The following KIF16B variants were observed in gnomAD, a reference collection of about 807,000 sequenced individuals.
The protein encoded by KIF16B is kinesin family member 16B, also known as kinesin-like protein KIF16B.
In KIF16B, 98 loss-of-function variants were observed where a neutral mutation model predicts 156.3. The observed-to-expected ratio is 0.63, with a 90% CI of 0.53 to 0.74. The LOEUF is 0.74. KIF16B is among the 30% of genes least tolerant of loss of function. The probability of loss-of-function intolerance (pLI) is 0.00; values close to 1 mark genes in which losing one functional copy is unlikely to be tolerated. For synonymous variants in KIF16B, 564 were observed against 583.7 expected, an observed-to-expected ratio of 0.97 and a Z score of 0.49; for missense variants, 1,421 against 1,606.5, an observed-to-expected ratio of 0.88 and a Z score of 1.97.
At chr20:16,402,076 T>C (rs942287333) in intron 17 of KIF16B, among the ~76,000 whole-genome samples, 1 of 152,100 alleles carries the variant, frequency 6.6e-6, no homozygotes, top group Non-Finnish European at 1.5e-5. Flanking sequence ...TCTTGCTTAC[T>C]ATATCCCATC....
intron 1 of KIF16B, among the ~76,000 whole-genome samples, chr20:16,563,806 T>A (rs111445277): frequency 2.6e-5 from 4 of 152,360 alleles, no homozygotes; most frequent in African/African-American, 9.6e-5. Context: ...ATACACCTTG[T>A]ATAAGTGTAT....
At chr20:16,328,965 C>A (rs1301077596) in intron 24 of KIF16B, among the ~76,000 whole-genome samples, 1 of 152,134 alleles carries the variant, frequency 6.6e-6, no homozygotes, top group East Asian at 1.9e-4. Context: ...CAGTCCATAG[C>A]AGTGCTCATT....
At chr20:16,445,419 CGTGT>C (rs11467171) in intron 12 of KIF16B, among the ~76,000 whole-genome samples, 5 of 146,760 alleles carry the variant, frequency 3.4e-5, no homozygotes, top group South Asian at 2.2e-4. Flanking sequence ...CATGTATATA[CGTGT>C]GTGTGTGTGT....
intron 17 of KIF16B, among the ~76,000 whole-genome samples, chr20:16,388,927 C>T (rs1305853618): frequency 6.6e-6 from 1 of 152,150 alleles, no homozygotes; most frequent in Non-Finnish European, 1.5e-5. Context: ...AGTATGACTG[C>T]CCAGGTCCAG....
chr20:16,367,321 G>A (rs1288083508), intron 22 of KIF16B: 1 of 1,612,784 alleles, frequency 6.2e-7, no homozygotes, highest in African/African-American at 1.3e-5. Context: ...GGAACCCACT[G>A]AAGGTTTGAG....
At chr20:16,488,517 G>GA (rs1176488743) in intron 12 of KIF16B, among the ~76,000 whole-genome samples, 2 of 152,136 alleles carry the variant, frequency 1.3e-5, no homozygotes, top group African/African-American at 4.8e-5. Context: ...CAGGAATGGA[G>GA]AAAAAACTGG....
At chr20:16,411,254 T>A (rs956712640) in intron 15 of KIF16B, among the ~76,000 whole-genome samples, 1 of 151,926 alleles carries the variant, frequency 6.6e-6, no homozygotes, top group African/African-American at 2.4e-5. Context: ...TGGGATCCAC[T>A]CTTTTAATAC....
chr20:16,368,070 C>A (rs2064722096), intron 22 of KIF16B: 2 of 1,343,510 alleles, frequency 1.5e-6, no homozygotes, highest in African/African-American at 1.5e-5. Context: ...CAACAGCAAG[C>A]CAGTAAATGC....
At chr20:16,541,655 C>T (rs2070203388) in intron 1 of KIF16B, among the ~76,000 whole-genome samples, 1 of 152,154 alleles carries the variant, frequency 6.6e-6, no homozygotes, top group Non-Finnish European at 1.5e-5. Context: ...GTTGGGATCC[C>T]AGAGAAGCAG....
chr20:16,374,277 C>G lies in KIF16B; in HGVS notation c.3330G>C (p.Leu1110=), dbSNP rs372951226. Residue 1110 remains leucine, a synonymous_variant, in exon 20 of 26, where the codon CTG becomes CTC. Coordinates refer to ENST00000354981, the MANE Select transcript of KIF16B (RefSeq NM_024704.5). ...SLPVSAEKSH[L]VPLMDARINA... is the part of the protein sequence containing the mutation. ...AGTACCTGGCATCCATGAGGGGAAC[C>G]AGGTGTGATTTTTCAGCACTGACTG... 1 of 1,593,982 alleles carries G rather than the reference C, an allele frequency of 6.3e-7. No homozygotes were observed. The highest frequency in any genetic ancestry group is 1.7e-5 in the Admixed American group (1 of 58,286).
chr20:16,378,725 G>A lies in KIF16B; in HGVS notation c.3197+80C>T, dbSNP rs1346850303. On this transcript the variant is annotated intron_variant, in intron 19 of 25. Coordinates refer to ENST00000354981, the MANE Select transcript of KIF16B (RefSeq NM_024704.5). ...AAAGAATAAGTTAAAAAAAAAAAAG[G>A]ATAAACACAACATGAGGAGTGAAAA... 15 of 1,331,882 alleles carry A rather than the reference G, an allele frequency of 1.1e-5. No individual in the cohort carries two copies. The South Asian group carries it at 1.6e-4, about 14-fold the overall frequency. 82.5% of individuals were successfully genotyped at this position (1,331,882 alleles called of 1,614,324 possible).
intron 17 of KIF16B, among the ~76,000 whole-genome samples, chr20:16,390,234 T>G (rs375564878): frequency 1.3e-5 from 2 of 152,236 alleles, no homozygotes; most frequent in South Asian, 4.1e-4. Context: ...TTAAGCCTTT[T>G]GCATTGCAAA....
At chr20:16,416,918 G>C (rs2066104236) in intron 15 of KIF16B, among the ~76,000 whole-genome samples, 1 of 152,070 alleles carries the variant, frequency 6.6e-6, no homozygotes, top group South Asian at 2.1e-4. Flanking sequence ...AGGAGGAGCA[G>C]AGAGTCCCTT....
At chr20:16,342,773 C>T (rs1288967988) in intron 23 of KIF16B, among the ~76,000 whole-genome samples, 2 of 152,192 alleles carry the variant, frequency 1.3e-5, no homozygotes, top group Non-Finnish European at 2.9e-5. Context: ...TGTTTATCAA[C>T]ACGCAAACAA....
chr20:16,430,445 C>T lies in KIF16B; in HGVS notation c.1303-463G>A, dbSNP rs376347306. On this transcript the variant is annotated intron_variant, in intron 12 of 25. Coordinates refer to ENST00000354981, the MANE Select transcript of KIF16B (RefSeq NM_024704.5). The stretch of plus-strand genomic sequence containing the variant: ...CCTGGTCCTCTGCCTCCTGTGCCAT[C>T]AACTTCTCCTATCCACTGGATCATT... 6.6e-5 allele frequency among the ~76,000 whole-genome samples: 10 copies of T among 152,236 alleles called. No homozygotes were observed. In the South Asian group the frequency reaches 1.2e-3, roughly 19 times the overall value.
chr20:16,414,148 A>C (rs575921160), intron 15 of KIF16B, among the ~76,000 whole-genome samples: 5 of 152,220 alleles, frequency 3.3e-5, no homozygotes, highest in African/African-American at 1.2e-4. Context: ...ATTATTTCAA[A>C]CACGAGAATT....
chr20:16,478,689 T>A (rs2067889455), intron 12 of KIF16B, among the ~76,000 whole-genome samples: 1 of 152,190 alleles, frequency 6.6e-6, no homozygotes, highest in African/African-American at 2.4e-5. Context: ...AAGTCACCCT[T>A]ATTTTAATTG....
chr20:16,393,769 G>A (rs1381751517), intron 17 of KIF16B, among the ~76,000 whole-genome samples: 2 of 152,182 alleles, frequency 1.3e-5, no homozygotes, highest in Non-Finnish European at 1.5e-5. Context: ...TAGCCCAGGA[G>A]GTAAAATTTG....
At chr20:16,430,372 T>C (rs2146442945) in intron 12 of KIF16B, among the ~76,000 whole-genome samples, 1 of 152,230 alleles carries the variant, frequency 6.6e-6, no homozygotes, top group East Asian at 1.9e-4. Flanking sequence ...CTGTGCATGG[T>C]CCTGAGAAGA....
Sources: gnomAD v4.1 joint callset for allele counts (sites outside exome capture counted in the v4.1 genomes callset) on GRCh38, gnomAD v4.1.1 for gene constraint, MANE v1.5 for transcripts, NCBI Gene and HGNC (gene_info 2026-07-23, HGNC 2026-07-21) for gene names.